RAB2A: variants seen among roughly 807,000 people sequenced by gnomAD.
RAB2A encodes ras-related protein Rab-2A.
RAB2A carries 7 observed loss-of-function variants against 32.5 expected under a neutral mutation model. That is an observed-to-expected ratio of 0.22 (90% CI 0.12 to 0.40). The LOEUF (loss-of-function observed/expected upper bound fraction) is 0.40. RAB2A is among the 10% of genes least tolerant of loss of function. The pLI is 1.00. For synonymous variants in RAB2A, 79 were observed against 85.2 expected (o/e 0.93, Z 0.40); for missense variants, 108 against 260.7 (o/e 0.41, Z 4.03).
At chr8:60,525,961 ATATATATG>A (rs1277596076) in intron 1 of RAB2A, among the ~76,000 whole-genome samples, 3 of 146,298 alleles carry the variant, frequency 2.1e-5, no homozygotes, top group Non-Finnish European at 4.5e-5. Context: ...GTATATATGT[ATATATATG>A]TCTATATGTC....
intron 6 of RAB2A, among the ~76,000 whole-genome samples, chr8:60,603,845 A>G (rs933321177): frequency 3.9e-5 from 6 of 152,182 alleles, no homozygotes; most frequent in Admixed American, 2.0e-4. Flanking sequence ...ACATAGCAAG[A>G]CCCTGTCTCT....
intron 1 of RAB2A, among the ~76,000 whole-genome samples, chr8:60,548,837 C>G (rs1013899166): frequency 2.0e-5 from 3 of 151,174 alleles, no homozygotes; most frequent in African/African-American, 7.3e-5. Context: ...CCACCTCCCT[C>G]CCGGACGAGG....
chr8:60,546,101 G>T (rs1225743650), intron 1 of RAB2A, among the ~76,000 whole-genome samples: 5 of 152,174 alleles, frequency 3.3e-5, no homozygotes, highest in Non-Finnish European at 7.4e-5. Flanking sequence ...TCATTTCAGA[G>T]ATAACATATT....
At chr8:60,568,646 G>C (rs376462546) in intron 2 of RAB2A, among the ~76,000 whole-genome samples, 2 of 152,174 alleles carry the variant, frequency 1.3e-5, no homozygotes, top group South Asian at 2.1e-4. Context: ...ATGATGCAAG[G>C]ATGATAACGA....
chr8:60,590,541 A>T (rs1305176291), intron 5 of RAB2A, among the ~76,000 whole-genome samples: 2 of 146,478 alleles, frequency 1.4e-5, no homozygotes, highest in East Asian at 1.9e-4. Context: ...ATATATATAT[A>T]TTTTATATAT....
At chr8:60,604,666 T>C (rs919240388) in intron 6 of RAB2A, among the ~76,000 whole-genome samples, 3 of 152,218 alleles carry the variant, frequency 2.0e-5, no homozygotes, top group African/African-American at 7.2e-5. Context: ...CCTAGGGACC[T>C]GTGGAACTTG....
Position 60,572,078 on chromosome 8 carries a change from G to T in RAB2A, c.151G>T (p.Asp51Tyr). Residue 51 changes from aspartate to tyrosine, a missense_variant, in exon 3 of 8, where the codon GAT becomes TAT. Transcript: ENST00000262646. ...VEFGARMITIDGKQIKLQIWD... is the reference protein window; with the variant it reads ...VEFGARMITIYGKQIKLQIWD... ...GTTCGGTGCTCGAATGATAACTATT[G>T]ATGGGAAACAGATAAAACTTCAGAT... 2 of 1,564,774 alleles carry T rather than the reference G, an allele frequency of 1.3e-6. No individual in the cohort carries two copies. The highest frequency in any genetic ancestry group is 2.3e-5 in the South Asian group (2 of 87,350).
chr8:60,591,765 A>C, intron 5 of RAB2A, 93 bp from the exon 6 acceptor site: 1 of 764,986 alleles, frequency 1.3e-6, no homozygotes, highest in Non-Finnish European at 2.2e-6. Flanking sequence ...AAGAATGGTC[A>C]TCACAACTTT....
At chr8:60,600,222 G>T (rs1804110382) in intron 6 of RAB2A, among the ~76,000 whole-genome samples, 1 of 152,174 alleles carries the variant, frequency 6.6e-6, no homozygotes. Flanking sequence ...AGTAAGCCAG[G>T]CCTGGTTGGT....
At chr8:60,588,043 C>T (rs1436592632) in intron 5 of RAB2A, among the ~76,000 whole-genome samples, 2 of 152,074 alleles carry the variant, frequency 1.3e-5, no homozygotes, top group Non-Finnish European at 2.9e-5. Flanking sequence ...AAGGCCGAGG[C>T]GGGAGGATTG....
At chr8:60,565,906 G>A (rs541615719) in intron 2 of RAB2A, among the ~76,000 whole-genome samples, 3 of 151,384 alleles carry the variant, frequency 2.0e-5, no homozygotes, top group Admixed American at 1.3e-4. Flanking sequence ...GTAGAGATGG[G>A]GTTTCACTAT....
intron 1 of RAB2A, among the ~76,000 whole-genome samples, chr8:60,545,247 TG>T (rs1807709973): frequency 6.6e-6 from 1 of 152,212 alleles, no homozygotes; most frequent in Non-Finnish European, 1.5e-5. Context: ...ATTAGATTCT[TG>T]GGCCCCACGA....
At chr8:60,606,761 G>T (rs1804238213) in intron 6 of RAB2A, among the ~76,000 whole-genome samples, 1 of 152,200 alleles carries the variant, frequency 6.6e-6, no homozygotes, top group African/African-American at 2.4e-5. Flanking sequence ...AGCTATACCT[G>T]GGCCTTTTTG....
intron 1 of RAB2A, among the ~76,000 whole-genome samples, chr8:60,538,507 AG>A (rs1807590541): frequency 6.6e-6 from 1 of 152,232 alleles, no homozygotes; most frequent in African/African-American, 2.4e-5. Context: ...AACAGCAGAT[AG>A]GGTAGTAGTC....
intron 1 of RAB2A, among the ~76,000 whole-genome samples, chr8:60,545,634 T>C (rs1380608481): frequency 1.3e-5 from 2 of 152,220 alleles, no homozygotes; most frequent in East Asian, 3.8e-4. Context: ...ATTGACTTGG[T>C]ATTTAAATAT....
At chr8:60,555,601 A>G (rs2130828600) in intron 1 of RAB2A, among the ~76,000 whole-genome samples, 1 of 152,380 alleles carries the variant, frequency 6.6e-6, no homozygotes, top group South Asian at 2.1e-4. Context: ...AAGTATATGA[A>G]AAAATGCTCA....
chr8:60,567,361 G>C (rs1563472335), intron 2 of RAB2A, among the ~76,000 whole-genome samples: 1 of 152,056 alleles, frequency 6.6e-6, no homozygotes, highest in Non-Finnish European at 1.5e-5. Flanking sequence ...TGATCCACCT[G>C]CCTTGGCCTC....
At chr8:60,525,724 C>CTGTA (rs1202825553) in intron 1 of RAB2A, among the ~76,000 whole-genome samples, 1 of 151,970 alleles carries the variant, frequency 6.6e-6, no homozygotes, top group African/African-American at 2.4e-5. Context: ...TAGCAGCATG[C>CTGTA]TGTAGCCAGC....
At chr8:60,528,586 T>G (rs1228813697) in intron 1 of RAB2A, among the ~76,000 whole-genome samples, 2 of 152,050 alleles carry the variant, frequency 1.3e-5, no homozygotes, top group South Asian at 4.1e-4. Flanking sequence ...ATTCTAATTG[T>G]TTTTTTTCCT....
Sources: gnomAD v4.1 joint callset for allele counts (sites outside exome capture counted in the v4.1 genomes callset) on GRCh38, gnomAD v4.1.1 for gene constraint, MANE v1.5 for transcripts, NCBI Gene and HGNC (gene_info 2026-07-23, HGNC 2026-07-21) for gene names.